NAALADL2: variants seen among roughly 807,000 people sequenced by gnomAD.
NAALADL2 encodes N-acetylated alpha-linked acidic dipeptidase like 2.
NAALADL2 carries 76 observed loss-of-function variants against 87.2 expected under a neutral mutation model. The ratio of observed to expected loss-of-function variants is 0.87; its 90% CI spans 0.72 to 1.05. The LOEUF (loss-of-function observed/expected upper bound fraction) is 1.05, where lower values mean the gene tolerates loss of function less well. Among genes scored for constraint, NAALADL2 ranks in the 50% least tolerant of loss-of-function variants. The pLI is 0.00. For synonymous variants in NAALADL2, 354 were observed against 331.0 expected (o/e 1.07, Z -0.75); for missense variants, 1,089 against 945.8 (o/e 1.15, Z -1.99).
chr3:175,561,968 G>C (rs971237234), intron 9 of NAALADL2, among the ~76,000 whole-genome samples: 3 of 152,166 alleles, frequency 2.0e-5, no homozygotes, highest in African/African-American at 7.2e-5. Flanking sequence ...GCAGTGGTGG[G>C]AGGACATACT....
At chr3:175,351,388 GAT>G (rs1763755492) in intron 5 of NAALADL2, among the ~76,000 whole-genome samples, 2 of 151,882 alleles carry the variant, frequency 1.3e-5, no homozygotes, top group East Asian at 1.9e-4. Context: ...CTTTATATAT[GAT>G]ATATATACAT....
chr3:175,460,051 C>A, intron 6 of NAALADL2: 3 of 426,216 alleles, frequency 7.0e-6, no homozygotes, highest in South Asian at 5.1e-5. Flanking sequence ...ACAGATTATA[C>A]TACAGAGAGT....
intron 4 of NAALADL2, among the ~76,000 whole-genome samples, chr3:175,278,400 C>G (rs1380743017): frequency 2.0e-5 from 3 of 152,142 alleles, no homozygotes; most frequent in Non-Finnish European, 4.4e-5. Context: ...CACTCTAAAA[C>G]TGCTTCCTAT....
intron 9 of NAALADL2, among the ~76,000 whole-genome samples, chr3:175,484,097 A>G (rs1389458634): frequency 2.0e-5 from 3 of 152,164 alleles, no homozygotes; most frequent in Admixed American, 6.6e-5. Context: ...AAGAAAAACC[A>G]TACAGATAAA....
chr3:174,817,572 A>G (rs1720940522), intron 3 of NAALADL2, among the ~76,000 whole-genome samples: 1 of 152,208 alleles, frequency 6.6e-6, no homozygotes, highest in South Asian at 2.1e-4. Flanking sequence ...ACTGCACTTC[A>G]GCCTAGTTGT....
chr3:175,457,405 A>G (rs563896718), intron 6 of NAALADL2, among the ~76,000 whole-genome samples: 5 of 152,184 alleles, frequency 3.3e-5, no homozygotes, highest in Non-Finnish European at 7.4e-5. Flanking sequence ...CTCAGTAAGC[A>G]TTTGAAATCA....
intron 1 of NAALADL2, among the ~76,000 whole-genome samples, chr3:175,002,050 C>T (rs1329844532): frequency 1.3e-5 from 2 of 152,172 alleles, no homozygotes; most frequent in African/African-American, 4.8e-5. Flanking sequence ...GTGCAGGCCA[C>T]ATGCACTAAG....
intron 1 of NAALADL2, 50 bp downstream of exon 1, chr3:174,859,500 A>T: frequency 6.8e-7 from 1 of 1,471,904 alleles, no homozygotes; most frequent in Non-Finnish European, 9.4e-7. Flanking sequence ...TCAGAAACTT[A>T]AGCAGTGTTG....
chr3:175,735,313 T>C (rs997866811), intron 11 of NAALADL2, among the ~76,000 whole-genome samples: 1 of 152,212 alleles, frequency 6.6e-6, no homozygotes, highest in Admixed American at 6.5e-5. Context: ...TCTATGGAGT[T>C]GCAAACTTTC....
chr3:175,769,820 A>T (rs1005218575), intron 13 of NAALADL2, among the ~76,000 whole-genome samples: 4 of 152,118 alleles, frequency 2.6e-5, no homozygotes, highest in African/African-American at 9.7e-5. Flanking sequence ...CAAGTCTGAA[A>T]TCTGTGGACA....
chr3:174,787,604 T>TATATATATATATATATATACACAC lies in NAALADL2; in HGVS notation c.-9+49875_-9+49876insTACACACATATATATATATATATA, dbSNP rs1268295230. Among the ~76,000 whole-genome samples, 83 of 87,926 alleles carry TATATATATATATATATATACACAC rather than the reference T, an allele frequency of 9.4e-4. 5 individuals carry two copies. The highest frequency in any genetic ancestry group is 4.0e-3 in the South Asian group (8 of 1,992). The allele number at this position is 87,926 out of a possible 152,430, so 57.7% of individuals were successfully genotyped here. A position where few individuals can be genotyped will look rare whatever the true frequency, so the allele number is the denominator to read the frequency against. On this transcript the variant is annotated intron_variant, in intron 3 of 3. Transcript: ENST00000434257. ...ATATATATATATATATATATATATA[T>TATATATATATATATATATACACAC]ATATATATATATATATAGTAGTGAC...
intron 3 of NAALADL2, among the ~76,000 whole-genome samples, chr3:174,814,167 G>T (rs945566873): frequency 1.3e-5 from 2 of 151,866 alleles, no homozygotes; most frequent in Non-Finnish European, 2.9e-5. Context: ...GGAGTGCAGT[G>T]GTGCAATCTT....
intron 2 of NAALADL2, 95 bp from the exon 3 acceptor site, chr3:175,233,836 C>A: frequency 1.5e-6 from 1 of 685,700 alleles, no homozygotes; most frequent in Non-Finnish European, 2.5e-6. Context: ...TATTCCACAA[C>A]ATCTATTAAT....
intron 2 of NAALADL2, among the ~76,000 whole-genome samples, chr3:174,708,306 A>G (rs767410638): frequency 8.5e-5 from 13 of 152,194 alleles, no homozygotes; most frequent in Non-Finnish European, 1.3e-4. Context: ...ACTCCCCTCA[A>G]TCAAACAGAA....
chr3:174,973,123 G>A (rs550815658), intron 1 of NAALADL2, among the ~76,000 whole-genome samples: 70 of 152,190 alleles, frequency 4.6e-4, no homozygotes, highest in African/African-American at 1.7e-3. Context: ...TTACACACTG[G>A]CTTTATCTTC....
At position 175,592,302 on chromosome 3, in the gene NAALADL2, CTTTTCTTTTTTTT is replaced by C. The variant is rs767434347; in HGVS notation, c.1800+16120_1800+16132del. 4.4e-4 allele frequency among the ~76,000 whole-genome samples: 62 copies of C among 140,420 alleles called. 1 individual carries two copies. The East Asian group carries it at 0.01, about 23-fold the overall frequency. The allele number at this position is 140,420 out of a possible 152,430, so 92.1% of individuals were successfully genotyped here. ...CACCCTAGTCTATTCTTTTCTTTTT[CTTTTCTTTTTTTT>C]TTTTTTTTTGTCAGCTACTCTATTG... On this transcript the variant is annotated intron_variant, in intron 10 of 13. Coordinates refer to ENST00000454872, the MANE Select transcript of NAALADL2 (RefSeq NM_207015.3).
At position 175,467,210 on chromosome 3, in the gene NAALADL2, A is replaced by C. The variant is rs762699501; in HGVS notation, c.1533+26A>C. The C allele has an allele frequency of 2.4e-5, 37 of 1,572,820 alleles. 1 individual carries two copies. The South Asian group carries it at 2.6e-4, about 11-fold the overall frequency. On this transcript the variant is annotated intron_variant, in intron 8 of 13. Transcript: ENST00000454872. ...GTAAAGCAAAATATACATTAATTAC[A>C]GTGCTTTTCTTTTCTTAGTTTGCTA...
chr3:174,468,912 A>G (rs1326598265), intron 1 of NAALADL2, among the ~76,000 whole-genome samples: 1 of 148,150 alleles, frequency 6.7e-6, no homozygotes, highest in Non-Finnish European at 1.5e-5. Context: ...ACAGGCACCC[A>G]CCACCATGCC....
chr3:175,026,998 T>A (rs1752303012), intron 1 of NAALADL2, among the ~76,000 whole-genome samples: 2 of 152,136 alleles, frequency 1.3e-5, no homozygotes, highest in Non-Finnish European at 2.9e-5. Flanking sequence ...CAATAACAGT[T>A]TCTATACTTT....
Sources: allele counts gnomAD v4.1 joint callset (sites outside exome capture counted in the v4.1 genomes callset), GRCh38; gene constraint gnomAD v4.1.1; transcripts MANE v1.5; gene names NCBI Gene and HGNC (gene_info 2026-07-23, HGNC 2026-07-21).